Variants in WDR7 observed in about 807,000 individuals in gnomAD.
The protein encoded by WDR7 is WD repeat-containing protein 7.
Under a neutral mutation model 169.4 loss-of-function variants are expected in WDR7, and 46 were observed. The observed-to-expected ratio is 0.27, with a 90% CI of 0.21 to 0.35. WDR7 has a LOEUF of 0.35. WDR7 is among the 10% of genes least tolerant of loss of function. The pLI, the probability that WDR7 is intolerant of heterozygous loss-of-function variation, is 1.00. For missense variants in WDR7, 1,534 were observed against 1,859.3 expected (o/e 0.83, Z 3.22); for synonymous variants, 612 against 666.8 (o/e 0.92, Z 1.27).
At chr18:56,779,213 A>T (rs1221064458) in intron 17 of WDR7, among the ~76,000 whole-genome samples, 1 of 152,144 alleles carries the variant, frequency 6.6e-6, no homozygotes, top group Non-Finnish European at 1.5e-5. Flanking sequence ...TTCTTTTAAG[A>T]TGTTGAGAAT....
At chr18:57,010,868 C>CTTCCAGA (rs2048125904) in intron 26 of WDR7, among the ~76,000 whole-genome samples, 2 of 152,032 alleles carry the variant, frequency 1.3e-5, no homozygotes, top group Non-Finnish European at 2.9e-5. Flanking sequence ...GGAAGTTTCC[C>CTTCCAGA]AGTTAAATCG....
intron 20 of WDR7, among the ~76,000 whole-genome samples, chr18:56,843,542 C>T (rs1370609257): frequency 3.9e-5 from 6 of 152,156 alleles, no homozygotes; most frequent in Non-Finnish European, 8.8e-5. Context: ...CAGGAGCTTA[C>T]AATTGTGTTG....
At chr18:56,785,013 C>T (rs1461974002) in intron 19 of WDR7, among the ~76,000 whole-genome samples, 1 of 152,006 alleles carries the variant, frequency 6.6e-6, no homozygotes, top group South Asian at 2.1e-4. Context: ...TCTGGAACTT[C>T]TACATTGACT....
At chr18:56,830,899 G>A (rs879510187) in intron 20 of WDR7, among the ~76,000 whole-genome samples, 2 of 152,154 alleles carry the variant, frequency 1.3e-5, no homozygotes, top group Non-Finnish European at 2.9e-5. Context: ...TAGAGACGGG[G>A]TTTCACCATG....
intron 20 of WDR7, among the ~76,000 whole-genome samples, chr18:56,867,620 T>C (rs569640773): frequency 1.3e-5 from 2 of 152,250 alleles, no homozygotes; most frequent in Non-Finnish European, 2.9e-5. Flanking sequence ...TTTGGAAAAA[T>C]GGCATGACAT....
intron 26 of WDR7, among the ~76,000 whole-genome samples, chr18:57,006,512 T>C (rs1273634280): frequency 6.6e-6 from 1 of 152,206 alleles, no homozygotes; most frequent in African/African-American, 2.4e-5. Context: ...TTAGTTTTGC[T>C]TATCATTAGG....
chr18:56,699,547 T>C (rs2025778043), intron 12 of WDR7, among the ~76,000 whole-genome samples: 2 of 152,348 alleles, frequency 1.3e-5, no homozygotes, highest in East Asian at 3.9e-4. Context: ...TAGAATAGTT[T>C]TGGGTTTTAG....
At chr18:56,770,718 C>G (rs997945850) in intron 16 of WDR7, among the ~76,000 whole-genome samples, 1 of 152,088 alleles carries the variant, frequency 6.6e-6, no homozygotes. Flanking sequence ...AAGTCCTTAC[C>G]TTTCTGCTGC....
intron 21 of WDR7, among the ~76,000 whole-genome samples, chr18:56,903,850 A>C (rs1338415293): frequency 6.6e-6 from 1 of 152,172 alleles, no homozygotes; most frequent in Non-Finnish European, 1.5e-5. Flanking sequence ...TCCAGAAATG[A>C]AGTTATTTTA....
intron 10 of WDR7, 77 bp downstream of exon 10, chr18:56,694,837 T>G: frequency 6.5e-7 from 1 of 1,530,004 alleles, no homozygotes; most frequent in Non-Finnish European, 8.8e-7. Flanking sequence ...ACATTCATAA[T>G]GTACATATAT....
rs560433689 is a variant in WDR7 at position 56,914,217 on chromosome 18, G to A, written c.3527-9705G>A. 3.9e-5 allele frequency among the ~76,000 whole-genome samples: 6 copies of A among 152,256 alleles called. No individual in the cohort carries two copies. The South Asian group carries it at 1.0e-3, about 26-fold the overall frequency. On this transcript the variant is annotated intron_variant, in intron 21 of 27. Transcript: ENST00000254442. ...GTGCTTCTCCCACAGATACTCACAC[G>A]ATTCTCTTTCATCTCACTCAAGTCT...
chr18:56,938,117 T>C (rs1261370439), intron 23 of WDR7, among the ~76,000 whole-genome samples: 1 of 152,152 alleles, frequency 6.6e-6, no homozygotes, highest in African/African-American at 2.4e-5. Flanking sequence ...GAAGAAAATC[T>C]GAGTATAAGT....
chr18:56,993,932 A>G lies in WDR7; in HGVS notation c.4165-26813A>G, dbSNP rs529283129. ...TCCTCACTAGTATACCGCTTACTTT[A>G]TATTGTCGTTGATTTGAATGGAACA... On this transcript the variant is annotated intron_variant, in intron 26 of 27. Transcript: ENST00000254442. 3.8e-4 allele frequency among the ~76,000 whole-genome samples: 57 copies of G among 151,538 alleles called. 1 individual carries two copies. The highest frequency in any genetic ancestry group is 9.8e-4 in the Admixed American group (15 of 15,242).
intron 20 of WDR7, among the ~76,000 whole-genome samples, chr18:56,871,789 T>TA (rs1277238993): frequency 2.6e-5 from 4 of 152,056 alleles, no homozygotes; most frequent in East Asian, 1.9e-4. Flanking sequence ...TGTGTTGGGT[T>TA]AAAAAAATCC....
At chr18:57,008,232 C>T (rs2048093092) in intron 26 of WDR7, among the ~76,000 whole-genome samples, 1 of 152,164 alleles carries the variant, frequency 6.6e-6, no homozygotes, top group South Asian at 2.1e-4. Context: ...CCCACTTCCT[C>T]ATTCAGCTCC....
chr18:56,973,996 G>A (rs1302601305), intron 26 of WDR7, among the ~76,000 whole-genome samples: 2 of 152,094 alleles, frequency 1.3e-5, no homozygotes, highest in South Asian at 4.1e-4. Flanking sequence ...CTCTTTTATG[G>A]TGGGACCAAA....
rs2046957719 is a variant in WDR7 at position 56,936,111 on chromosome 18, TATTC to T, written c.3831+210_3831+213del. The T allele has an allele frequency of 6.2e-6, 3 of 484,030 alleles. No homozygotes were observed. In the South Asian group the frequency reaches 1.2e-4, roughly 20 times the overall value. The allele number at this position is 484,030 out of a possible 1,614,324, so 30.0% of individuals were successfully genotyped here. A position where few individuals can be genotyped will look rare whatever the true frequency, so the allele number is the denominator to read the frequency against. On this transcript the variant is annotated intron_variant, in intron 23 of 27. Coordinates refer to ENST00000254442, the MANE Select transcript of WDR7 (RefSeq NM_015285.3). ...GGTGCATTCATTACTTCTGCTTCTGTATTCATTTCTGTTCTCAAAGTTAATTCAC... is the reference window on the plus strand; with the variant it reads ...GGTGCATTCATTACTTCTGCTTCTGTATTTCTGTTCTCAAAGTTAATTCAC...
chr18:57,033,598 ATAAGT>A (rs1237155595), downstream of WDR7: 1 of 152,164 alleles, frequency 6.6e-6, no homozygotes, highest in African/African-American at 2.4e-5. Context: ...TGTTTTAAAA[ATAAGT>A]TGTGTGTTCT....
intron 14 of WDR7, among the ~76,000 whole-genome samples, chr18:56,733,826 T>C (rs1416152821): frequency 1.3e-5 from 2 of 152,194 alleles, no homozygotes; most frequent in African/African-American, 4.8e-5. Context: ...TGATAACTTA[T>C]ATATTTATCT....
Sources: allele counts gnomAD v4.1 joint callset (sites outside exome capture counted in the v4.1 genomes callset), GRCh38; gene constraint gnomAD v4.1.1; transcripts MANE v1.5; gene names NCBI Gene and HGNC (gene_info 2026-07-23, HGNC 2026-07-21).